ZMPSTE24: variants seen among roughly 807,000 people sequenced by gnomAD.
ZMPSTE24 encodes CAAX prenyl protease 1 homolog.
ZMPSTE24 carries 48 observed loss-of-function variants against 56.7 expected under a neutral mutation model. The observed-to-expected ratio is 0.85, with a 90% confidence interval of 0.67 to 1.08. The LOEUF (loss-of-function observed/expected upper bound fraction) is 1.08. Ranked by LOEUF, ZMPSTE24 falls within the 50% of genes least tolerant of loss-of-function variation. The pLI is 0.00. For synonymous variants in ZMPSTE24, 172 were observed against 195.2 expected, an observed-to-expected ratio of 0.88 and a Z score of 0.99; for missense variants, 503 against 548.7, an observed-to-expected ratio of 0.92 and a Z score of 0.83.
chr1:40,289,847 C>G (rs1643822717), intron 8 of ZMPSTE24, among the ~76,000 whole-genome samples: 1 of 152,138 alleles, frequency 6.6e-6, no homozygotes, highest in Non-Finnish European at 1.5e-5. Context: ...CAAGGGAAGC[C>G]TGTTTCTTTG....
Position 40,260,957 on chromosome 1 carries a change from C to A in ZMPSTE24, c.242C>A (p.Ser81Ter). Residue 81 changes from serine to a stop codon, truncating the protein, a stop_gained, in exon 2 of 10, where the codon TCA becomes TAA. Transcript: ENST00000372759. LOFTEE classifies it high-confidence loss of function. ...GATAAAAGCACTTTCAGCTTCTGGT[C>A]AGGACTCTATTCAGAGACTGAAGGC... ...QLDKSTFSFW[S>*]GLYSETEGTL... The A allele has an allele frequency of 6.2e-7, 1 of 1,614,106 alleles. No homozygotes were observed. The highest frequency in any genetic ancestry group is 1.1e-5 in the South Asian group (1 of 91,054).
chr1:40,271,523 T>A (rs888996206), intron 5 of ZMPSTE24, among the ~76,000 whole-genome samples: 1 of 152,230 alleles, frequency 6.6e-6, no homozygotes, highest in African/African-American at 2.4e-5. Flanking sequence ...AGGTCTATTG[T>A]GATTACGCTA....
chr1:40,279,702 T>C (rs1053712575), intron 6 of ZMPSTE24, among the ~76,000 whole-genome samples: 1 of 152,184 alleles, frequency 6.6e-6, no homozygotes, highest in Non-Finnish European at 1.5e-5. Context: ...GGTTGGGTGT[T>C]GTCTTGGAGA....
intron 8 of ZMPSTE24, among the ~76,000 whole-genome samples, chr1:40,289,751 CT>C (rs1335905052): frequency 2.6e-5 from 4 of 152,038 alleles, no homozygotes; most frequent in Admixed American, 2.6e-4. Flanking sequence ...TTTTTTTCTC[CT>C]CTCATTTATT....
intron 3 of ZMPSTE24, among the ~76,000 whole-genome samples, chr1:40,268,097 G>T (rs1004081327): frequency 1.3e-5 from 2 of 152,196 alleles, no homozygotes; most frequent in African/African-American, 2.4e-5. Context: ...TAATAGTCCA[G>T]TGTGAGTATT....
At chr1:40,273,401 C>T (rs893854199) in intron 6 of ZMPSTE24, among the ~76,000 whole-genome samples, 11 of 149,818 alleles carry the variant, frequency 7.3e-5, no homozygotes, top group Admixed American at 3.3e-4. Flanking sequence ...GCCTGTAATC[C>T]CAGCTACTTG....
At chr1:40,277,693 G>A (rs1402311832) in intron 6 of ZMPSTE24, among the ~76,000 whole-genome samples, 1 of 151,892 alleles carries the variant, frequency 6.6e-6, no homozygotes, top group African/African-American at 2.4e-5. Context: ...TAGCAGCCAG[G>A]CGTGGTAGCT....
At chr1:40,286,586 A>T (rs1569660898) in intron 8 of ZMPSTE24, among the ~76,000 whole-genome samples, 1 of 151,204 alleles carries the variant, frequency 6.6e-6, no homozygotes, top group Non-Finnish European at 1.5e-5. Flanking sequence ...ATCCCTGGCT[A>T]ATTTTTGTAT....
At chr1:40,260,055 C>CTTTTT (rs11383054) in intron 1 of ZMPSTE24, among the ~76,000 whole-genome samples, 4 of 84,336 alleles carry the variant, frequency 4.7e-5, no homozygotes, top group Non-Finnish European at 8.6e-5. Flanking sequence ...GATCTTTCTC[C>CTTTTT]TTTTTTTTTT....
rs1337877211 is a variant in ZMPSTE24 at position 40,294,180 on chromosome 1, A to G, written c.*1511A>G. 1.3e-5 allele frequency: 2 copies of G among 152,630 alleles called. No homozygotes were observed. The highest frequency in any genetic ancestry group is 1.9e-4 in the East Asian group (1 of 5,198). The allele number at this position is 152,630 out of a possible 1,614,324, so 9.5% of individuals were successfully genotyped here. On this transcript the variant is annotated 3_prime_UTR_variant, in exon 10 of 10. Transcript: ENST00000372759. ...CATTAAACATTGCCAACGCAAATGT[A>G]TGTACTTTGTCTTTAGTTTGATATT...
chr1:40,262,563 C>G (rs1015028240), intron 2 of ZMPSTE24: 19 of 151,086 alleles, frequency 1.3e-4, no homozygotes, highest in African/African-American at 4.8e-4. Context: ...AGAGAGTTTA[C>G]TTATGTATTT....
At chr1:40,263,448 C>T (rs1049177236) in intron 2 of ZMPSTE24, among the ~76,000 whole-genome samples, 1 of 152,132 alleles carries the variant, frequency 6.6e-6, no homozygotes, top group Non-Finnish European at 1.5e-5. Flanking sequence ...AAGGGACATG[C>T]TAATAAGTAG....
chr1:40,279,357 G>A (rs866028833), intron 6 of ZMPSTE24, among the ~76,000 whole-genome samples: 2 of 152,154 alleles, frequency 1.3e-5, no homozygotes, highest in South Asian at 4.1e-4. Context: ...AAAAGTAATT[G>A]CAGTTTCAGA....
intron 7 of ZMPSTE24, among the ~76,000 whole-genome samples, chr1:40,284,318 C>CT (rs1158544253): frequency 6.6e-6 from 1 of 151,866 alleles, no homozygotes; most frequent in African/African-American, 2.4e-5. Context: ...GTTACTTTTT[C>CT]TTAGGTGCAA....
Position 40,290,450 on chromosome 1 carries a change from A to ATTTTTTTTTTTTTTTTTTTTT in ZMPSTE24, c.1060-396_1060-376dup, listed in dbSNP as rs996301433. On this transcript the variant is annotated intron_variant, in intron 8 of 9. Coordinates refer to ENST00000372759, the MANE Select transcript of ZMPSTE24 (RefSeq NM_005857.5). Reference sequence around the variant, plus strand: ...TACCTTTCTTAAAATCACACTATGAATTTTTTTTTTTTTTTTTTTTTTTTT... The same window carrying ATTTTTTTTTTTTTTTTTTTTT: ...TACCTTTCTTAAAATCACACTATGAATTTTTTTTTTTTTTTTTTTTTTTTTTTTTTTTTTTTTTTTTTTTTT... Among the ~76,000 whole-genome samples the ATTTTTTTTTTTTTTTTTTTTT allele has an allele frequency of 5.0e-4, 41 of 82,590 alleles. 7 individuals carry two copies. Among genetic ancestry groups the ATTTTTTTTTTTTTTTTTTTTT allele is most frequent in the Admixed American group, 6.8e-4 (5 of 7,318 alleles). 54.2% of individuals were successfully genotyped at this position (82,590 alleles called of 152,430 possible).
At chr1:40,260,356 C>T (rs200661582) in intron 1 of ZMPSTE24, among the ~76,000 whole-genome samples, 70 of 152,166 alleles carry the variant, frequency 4.6e-4, no homozygotes, top group African/African-American at 1.3e-3. Context: ...CCACCGTGCC[C>T]GGCTGAAAAT....
intron 6 of ZMPSTE24, among the ~76,000 whole-genome samples, chr1:40,275,764 A>C (rs559241855): frequency 2.5e-4 from 38 of 151,842 alleles, no homozygotes; most frequent in Admixed American, 9.2e-4. Context: ...AAAAAAAAAA[A>C]AAAAAAAAAA....
chr1:40,273,505 C>T (rs1265016536), intron 6 of ZMPSTE24, among the ~76,000 whole-genome samples: 1 of 67,338 alleles, frequency 1.5e-5, no homozygotes, highest in Non-Finnish European at 2.7e-5. Context: ...CAACAAGAGC[C>T]AAATTCTGTC....
chr1:40,265,520 A>AGT (rs1235747983), intron 2 of ZMPSTE24, among the ~76,000 whole-genome samples: 3 of 152,156 alleles, frequency 2.0e-5, no homozygotes, highest in Admixed American at 2.0e-4. Flanking sequence ...TGGGCAACAT[A>AGT]GTGAGACCCC....
Sources: gnomAD v4.1 joint callset for allele counts (sites outside exome capture counted in the v4.1 genomes callset) on GRCh38, gnomAD v4.1.1 for gene constraint, MANE v1.5 for transcripts, NCBI Gene and HGNC (gene_info 2026-07-23, HGNC 2026-07-21) for gene names.